Variants in KCNK3 observed in about 807,000 individuals in gnomAD.
KCNK3 encodes the protein potassium channel subfamily K member 3.
KCNK3 carries 9 observed loss-of-function variants against 27.3 expected under a neutral mutation model. The ratio of observed to expected loss-of-function variants is 0.33; its 90% CI spans 0.20 to 0.57. The LOEUF is 0.57. Among genes scored for constraint, KCNK3 ranks in the 20% least tolerant of loss-of-function variants. The pLI, the probability that KCNK3 is intolerant of heterozygous loss-of-function variation, is 0.87. For synonymous variants in KCNK3, 278 were observed against 273.8 expected (o/e 1.02, Z -0.15); for missense variants, 391 against 577.7 (o/e 0.68, Z 3.31).
At chr2:26,697,315 G>A (rs1670248137) in intron 1 of KCNK3, among the ~76,000 whole-genome samples, 1 of 152,138 alleles carries the variant, frequency 6.6e-6, no homozygotes, top group Non-Finnish European at 1.5e-5. Context: ...GACCAGCCCG[G>A]ACAACATGGC....
At chr2:26,696,195 C>G (rs565810539) in intron 1 of KCNK3, among the ~76,000 whole-genome samples, 2 of 152,340 alleles carry the variant, frequency 1.3e-5, no homozygotes, top group East Asian at 3.9e-4. Flanking sequence ...AATGCACTTG[C>G]ATCTCTTGTC....
chr2:26,727,610 T>C (rs1181692856), intron 1 of KCNK3, 57 bp from the exon 2 acceptor site: 1 of 1,512,042 alleles, frequency 6.6e-7, no homozygotes, highest in Non-Finnish European at 8.8e-7. Context: ...GAAGAAGGTT[T>C]CTGGAAGGGC....
intron 1 of KCNK3, chr2:26,724,443 C>T (rs923547906): frequency 4.2e-6 from 1 of 240,016 alleles, no homozygotes; most frequent in Non-Finnish European, 6.7e-6. Flanking sequence ...GGCCCAGTGG[C>T]CTTGGCCAAC....
In KCNK3 at chr2:26,721,766, C is replaced by T. The variant is rs2148267665; in HGVS notation, c.284-5901C>T. ...ACACTGAGGTCACTTCGGCATCAGCCCAGAGTTCACGGCCTTTGGGCACCT... is the reference window on the plus strand; with the variant it reads ...ACACTGAGGTCACTTCGGCATCAGCTCAGAGTTCACGGCCTTTGGGCACCT... On this transcript the variant is annotated intron_variant, in intron 1 of 1. Transcript: ENST00000302909. The surrounding 1 kb of genome is among the most constrained non-coding windows in gnomAD (Gnocchi z 4.3). 6.6e-6 allele frequency among the ~76,000 whole-genome samples: 1 copy of T among 152,356 alleles called. No homozygotes were observed. Among genetic ancestry groups the T allele is most frequent in the South Asian group, 2.1e-4 (1 of 4,830 alleles).
intron 1 of KCNK3, among the ~76,000 whole-genome samples, chr2:26,723,825 T>A (rs1663364757): frequency 6.6e-6 from 1 of 152,202 alleles, no homozygotes; most frequent in Non-Finnish European, 1.5e-5. Context: ...GGTAGTTTTC[T>A]GAGAGGCAGT....
At position 26,714,301 on chromosome 2, in the gene KCNK3, C is replaced by T. The variant is rs955626247; in HGVS notation, c.284-13366C>T. 2.6e-5 allele frequency among the ~76,000 whole-genome samples: 4 copies of T among 151,216 alleles called. No individual in the cohort carries two copies. The East Asian group carries it at 8.1e-4, about 31-fold the overall frequency. On this transcript the variant is annotated intron_variant, in intron 1 of 1. Coordinates refer to ENST00000302909, the MANE Select transcript of KCNK3 (RefSeq NM_002246.3). ...GAATCAAGAGGCTGGGGTCCCAGGT[C>T]CAACTCAGGAGCTGCAACTGCAGGC...
At chr2:26,723,528 G>A (rs898098655) in intron 1 of KCNK3, among the ~76,000 whole-genome samples, 6 of 152,244 alleles carry the variant, frequency 3.9e-5, no homozygotes, top group Non-Finnish European at 5.9e-5. Flanking sequence ...AGGAGCTGCT[G>A]GGCCATGATT....
Position 26,693,290 on chromosome 2 carries a change from A to G in KCNK3, c.283+132A>G, listed in dbSNP as rs544211481. On this transcript the variant is annotated intron_variant, in intron 1 of 1. Coordinates refer to ENST00000302909, the MANE Select transcript of KCNK3 (RefSeq NM_002246.3). This position sits in a 1 kb window ranked among gnomAD's most constrained non-coding sequence, Gnocchi z 5.5. ...TGGGCGCCGAACCCTGCGCTCGCAGAAACCCGAGTTCAGCCTGGCGTGTGT... is the reference window on the plus strand; with the variant it reads ...TGGGCGCCGAACCCTGCGCTCGCAGGAACCCGAGTTCAGCCTGGCGTGTGT... The G allele has an allele frequency of 8.9e-5, 80 of 903,254 alleles. 1 individual carries two copies. In the South Asian group the frequency reaches 1.6e-3, roughly 18 times the overall value. The allele number at this position is 903,254 out of a possible 1,614,324, so 56.0% of individuals were successfully genotyped here.
At chr2:26,710,961 C>T (rs750694068) in intron 1 of KCNK3, among the ~76,000 whole-genome samples, 1 of 152,214 alleles carries the variant, frequency 6.6e-6, no homozygotes, top group Non-Finnish European at 1.5e-5. Flanking sequence ...TGGCCGGCTG[C>T]CCTTCCCAGG....
At chr2:26,707,327 T>A (rs1265281251) in intron 1 of KCNK3, among the ~76,000 whole-genome samples, 1 of 152,192 alleles carries the variant, frequency 6.6e-6, no homozygotes. Flanking sequence ...TCCCAGCCAC[T>A]GCCTTCCGAC....
chr2:26,701,796 G>A (rs1201024974), intron 1 of KCNK3, among the ~76,000 whole-genome samples: 2 of 152,052 alleles, frequency 1.3e-5, no homozygotes, highest in Non-Finnish European at 2.9e-5. Context: ...AAAAATTAGT[G>A]AGGCGTGGTG....
intron 1 of KCNK3, among the ~76,000 whole-genome samples, chr2:26,714,078 A>G (rs941667150): frequency 2.0e-4 from 28 of 138,502 alleles, no homozygotes; most frequent in Admixed American, 3.5e-4. Flanking sequence ...CTCTGTCTTG[A>G]AAAAAAAAAA....
chr2:26,728,427 AG>A lies in KCNK3; in HGVS notation c.1049del (p.Gly350AlafsTer39). 1.3e-6 allele frequency: 2 copies of A among 1,592,450 alleles called. No individual in the cohort carries two copies. The highest frequency in any genetic ancestry group is 1.7e-5 in the Admixed American group (1 of 58,864). On this transcript the variant is annotated frameshift_variant, in exon 2 of 2. Transcript: ENST00000302909. LOFTEE classifies it high-confidence loss of function. ...CVEQSHSSPG[G>X]GGRYSDTPSR... ...TGGAGCAGAGCCACTCGTCGCCGGG[AG>A]GGGGCGGCCGCTACAGCGACACGCC...
chr2:26,700,695 C>T (rs1670295826), intron 1 of KCNK3, among the ~76,000 whole-genome samples: 1 of 151,490 alleles, frequency 6.6e-6, no homozygotes, highest in Admixed American at 6.6e-5. Context: ...TTTGCTGTTG[C>T]TGCTTCTGCT....
chr2:26,722,476 A>G (rs1663344565), intron 1 of KCNK3, among the ~76,000 whole-genome samples: 3 of 152,350 alleles, frequency 2.0e-5, no homozygotes, highest in South Asian at 4.1e-4. Flanking sequence ...TGAGTACTTC[A>G]TTATTCCCAT....
chr2:26,716,866 G>A (rs945943016), intron 1 of KCNK3, among the ~76,000 whole-genome samples: 2 of 152,174 alleles, frequency 1.3e-5, no homozygotes, highest in East Asian at 1.9e-4. Context: ...GGGAGCTGGC[G>A]TGGCTTAACA....
intron 1 of KCNK3, among the ~76,000 whole-genome samples, chr2:26,719,651 C>A (rs1390425805): frequency 1.3e-5 from 2 of 152,240 alleles, no homozygotes; most frequent in Non-Finnish European, 2.9e-5. Flanking sequence ...TGAGAGGTTT[C>A]ATTTGATTCA....
At chr2:26,706,352 GTC>G (rs1440513436) in intron 1 of KCNK3, among the ~76,000 whole-genome samples, 4 of 152,124 alleles carry the variant, frequency 2.6e-5, no homozygotes. Context: ...CTGGGGACAG[GTC>G]TGTCTTTCGC....
intron 1 of KCNK3, among the ~76,000 whole-genome samples, chr2:26,713,889 C>T (rs1267175959): frequency 6.6e-6 from 1 of 151,524 alleles, no homozygotes; most frequent in African/African-American, 2.4e-5. Context: ...CAGCCTGGCC[C>T]ACGTGGTGAA....
Sources: allele counts gnomAD v4.1 joint callset (sites outside exome capture counted in the v4.1 genomes callset), GRCh38; gene constraint gnomAD v4.1.1; non-coding constraint Gnocchi (gnomAD v3.1); transcripts MANE v1.5; gene names NCBI Gene and HGNC (gene_info 2026-07-23, HGNC 2026-07-21).